Variants in RGS12 observed in about 807,000 individuals in gnomAD.
RGS12 encodes the protein regulator of G-protein signaling 12.
RGS12 carries 66 observed loss-of-function variants against 120.1 expected under a neutral mutation model. That is an observed-to-expected ratio of 0.55 (90% CI 0.45 to 0.67). The LOEUF (loss-of-function observed/expected upper bound fraction) is 0.67. Among genes scored for constraint, RGS12 ranks in the 30% least tolerant of loss-of-function variants. The pLI, the probability that RGS12 is intolerant of heterozygous loss-of-function variation, is 0.00. For missense variants in RGS12, 1,859 were observed against 1,957.7 expected (o/e 0.95, Z 0.95); for synonymous variants, 827 against 804.7 (o/e 1.03, Z -0.47).
chr4:3,425,472 G>A lies in RGS12; in HGVS notation c.3243G>A (p.Glu1081=). 1 of 1,612,318 alleles carries A rather than the reference G, an allele frequency of 6.2e-7. No homozygotes were observed. The highest frequency in any genetic ancestry group is 8.5e-7 in the Non-Finnish European group (1 of 1,179,706). Residue 1081 remains glutamate, a synonymous_variant, in exon 14 of 18, where the codon GAG becomes GAA. Transcript: ENST00000336727. ...LSGLLVRLSG[E]KEPLDLGAPI... ...GCTGATCTCTGCCCTAGAGTGGAGA[G>A]AAGGAGCCCCTGGACCTTGGCGCCC...
At chr4:3,327,388 T>C (rs1381434347) in intron 2 of RGS12, among the ~76,000 whole-genome samples, 3 of 152,220 alleles carry the variant, frequency 2.0e-5, no homozygotes, top group Non-Finnish European at 2.9e-5. Flanking sequence ...AAATAATTTA[T>C]TGTTGAATTC....
chr4:3,380,643 C>T (rs1560130860), intron 3 of RGS12, among the ~76,000 whole-genome samples: 3 of 152,196 alleles, frequency 2.0e-5, no homozygotes, highest in Non-Finnish European at 2.9e-5. Context: ...ATGTAAGCTG[C>T]CAAGGCTTGA....
chr4:3,335,752 G>A (rs1462548887), intron 2 of RGS12, among the ~76,000 whole-genome samples: 2 of 151,988 alleles, frequency 1.3e-5, no homozygotes, highest in Non-Finnish European at 2.9e-5. Flanking sequence ...GTACCCCTGC[G>A]CTCCAGCCTG....
chr4:3,364,421 C>T (rs916778089), intron 3 of RGS12, among the ~76,000 whole-genome samples: 1 of 152,170 alleles, frequency 6.6e-6, no homozygotes, highest in African/African-American at 2.4e-5. Flanking sequence ...GCAGATGTCC[C>T]CATGGAGGTC....
chr4:3,403,363 C>G (rs1457384540), intron 4 of RGS12, among the ~76,000 whole-genome samples: 1 of 152,208 alleles, frequency 6.6e-6, no homozygotes, highest in East Asian at 1.9e-4. Context: ...GGCGTGGCAG[C>G]TCCTCTGCAG....
intron 9 of RGS12, 92 bp downstream of exon 9, chr4:3,417,633 C>CCTCTCACTGCACA: frequency 7.1e-7 from 1 of 1,411,094 alleles, no homozygotes; most frequent in Non-Finnish European, 9.8e-7. Flanking sequence ...TGACCTTGGG[C>CCTCTCACTGCACA]CATGTGTGCA....
intron 3 of RGS12, among the ~76,000 whole-genome samples, chr4:3,348,235 A>G (rs1714009051): frequency 6.6e-6 from 1 of 152,266 alleles, no homozygotes; most frequent in East Asian, 1.9e-4. Flanking sequence ...TTTAACCAGA[A>G]TGAGAAAGAC....
At chr4:3,432,969 C>T (rs1306402471) in intron 17 of RGS12, among the ~76,000 whole-genome samples, 4 of 152,194 alleles carry the variant, frequency 2.6e-5, no homozygotes, top group Non-Finnish European at 4.4e-5. Context: ...TGCTGGGGGG[C>T]GTTGGGACAG....
chr4:3,397,187 G>T (rs1251514507), intron 4 of RGS12, among the ~76,000 whole-genome samples: 2 of 152,230 alleles, frequency 1.3e-5, no homozygotes, highest in Non-Finnish European at 2.9e-5. Flanking sequence ...ACAAGACCTT[G>T]CAAGGACTTG....
At chr4:3,386,379 G>A (rs372619921) in intron 3 of RGS12, 37 bp from the exon 4 acceptor site, 7 of 1,603,652 alleles carry the variant, frequency 4.4e-6, no homozygotes, top group South Asian at 1.1e-5. Flanking sequence ...TTGTCATGAG[G>A]CTTAATTAAC....
At chr4:3,362,848 TGAGGGTGTGTGTGTGC>T (rs1217543768) in intron 3 of RGS12, among the ~76,000 whole-genome samples, 3 of 141,024 alleles carry the variant, frequency 2.1e-5, no homozygotes, top group Non-Finnish European at 3.0e-5. Flanking sequence ...AGACTGAGTG[TGAGGGTGTGTGTGTGC>T]GAGGGTGTGT....
At chr4:3,403,737 C>T (rs1191183872) in intron 4 of RGS12, among the ~76,000 whole-genome samples, 1 of 152,322 alleles carries the variant, frequency 6.6e-6, no homozygotes, top group African/African-American at 2.4e-5. Context: ...TGTTCTTGCC[C>T]GACATGTCCT....
rs761260161 is a variant in RGS12 at position 3,414,204 on chromosome 4, G to A, written c.2153G>A (p.Arg718His). Residue 718 changes from arginine to histidine, a missense_variant, in exon 5 of 18, where the codon CGC becomes CAC. Physicochemically the swap from Arg to His is conservative, Grantham distance 29. Coordinates refer to ENST00000336727, the MANE Select transcript of RGS12 (RefSeq NM_001394154.1). The stretch of plus-strand genomic sequence containing the variant: ...GCCAGCTGGGCCGTGTCCTTTGAGC[G>A]CCTGCTGCAGGACCCCGTCGGTGTC... ...RVASWAVSFE[R>H]LLQDPVGVRY... is the part of the protein sequence containing the mutation. 35 of 1,548,964 alleles carry A rather than the reference G, an allele frequency of 2.3e-5. No homozygotes were observed. The highest frequency in any genetic ancestry group is 9.6e-5 in the East Asian group (4 of 41,470).
intron 17 of RGS12, 30 bp from the exon 18 acceptor site, chr4:3,439,425 A>G: frequency 6.2e-7 from 1 of 1,611,422 alleles, no homozygotes; most frequent in South Asian, 1.1e-5. Context: ...CGGGCCAGGC[A>G]AGTGACAGCT....
At chr4:3,393,342 G>A (rs916672463) in intron 4 of RGS12, among the ~76,000 whole-genome samples, 28 of 152,214 alleles carry the variant, frequency 1.8e-4, no homozygotes, top group Admixed American at 6.5e-4. Flanking sequence ...GTGGGGTCTC[G>A]GCTGTGCATG....
intron 4 of RGS12, among the ~76,000 whole-genome samples, chr4:3,406,028 T>A (rs1376228152): frequency 6.6e-6 from 1 of 152,088 alleles, no homozygotes; most frequent in Non-Finnish European, 1.5e-5. Context: ...CATAAGCACA[T>A]TTAGCTGCAC....
chr4:3,325,668 G>A (rs1725509313), intron 2 of RGS12, among the ~76,000 whole-genome samples: 1 of 152,232 alleles, frequency 6.6e-6, no homozygotes, highest in South Asian at 2.1e-4. Flanking sequence ...GAGGATGAGG[G>A]ATTTCTTCCT....
In RGS12 at chr4:3,433,639, C is replaced by T. The variant is rs1443943405; in HGVS notation, c.4114+2684C>T. Among the ~76,000 whole-genome samples, 1 of 152,114 alleles carries T rather than the reference C, an allele frequency of 6.6e-6. No individual in the cohort carries two copies. Among genetic ancestry groups the T allele is most frequent in the Non-Finnish European group, 1.5e-5 (1 of 68,006 alleles). ...CACCACCCCATCCTAGCCCCAGCAC[C>T]ACGTGCCATGCCACCCTGTTCCAGC... On this transcript the variant is annotated intron_variant, in intron 17 of 17. Transcript: ENST00000336727. The surrounding 1 kb of genome is among the most constrained non-coding windows in gnomAD (Gnocchi z 4.4).
intron 3 of RGS12, among the ~76,000 whole-genome samples, chr4:3,349,924 C>G (rs1352444273): frequency 6.6e-6 from 1 of 152,200 alleles, no homozygotes; most frequent in African/African-American, 2.4e-5. Context: ...CATAGCATAA[C>G]TTTAAGATTT....
Sources: allele counts gnomAD v4.1 joint callset (sites outside exome capture counted in the v4.1 genomes callset), GRCh38; gene constraint gnomAD v4.1.1; non-coding constraint Gnocchi (gnomAD v3.1); transcripts MANE v1.5; gene names NCBI Gene and HGNC (gene_info 2026-07-23, HGNC 2026-07-21).